Variants in TMEM200A observed in about 807,000 individuals in gnomAD.
TMEM200A encodes transmembrane protein 200A, also known as two transmembrane C.
TMEM200A carries 12 observed loss-of-function variants against 24.3 expected under a neutral mutation model. That is an observed-to-expected ratio of 0.49 (90% CI 0.32 to 0.80). TMEM200A has a LOEUF of 0.80. TMEM200A is among the 30% of genes least tolerant of loss of function. The probability of loss-of-function intolerance (pLI) is 0.04; values close to 1 mark genes in which losing one functional copy is unlikely to be tolerated. For missense variants in TMEM200A, 545 were observed against 614.4 expected (o/e 0.89, Z 1.19); for synonymous variants, 224 against 224.4 (o/e 1.00, Z 0.02).
At chr6:130,426,099 C>A (rs1233606183) in intron 2 of TMEM200A, among the ~76,000 whole-genome samples, 1 of 151,976 alleles carries the variant, frequency 6.6e-6, no homozygotes, top group Admixed American at 6.5e-5. Context: ...TTAAATAAGC[C>A]CCAGGGATTG....
At chr6:130,421,384 GT>G (rs1230178879) in intron 2 of TMEM200A, 8 of 152,016 alleles carry the variant, frequency 5.3e-5, no homozygotes, top group African/African-American at 1.9e-4. Flanking sequence ...AGATTTTTTT[GT>G]TTGTTTTTTA....
chr6:130,441,646 T>C lies in TMEM200A; in HGVS notation c.1224T>C (p.Thr408=). 1 of 1,614,038 alleles carries C rather than the reference T, an allele frequency of 6.2e-7. No homozygotes were observed. The highest frequency in any genetic ancestry group is 1.3e-5 in the African/African-American group (1 of 75,022). The change falls in exon 3 of 3, where the codon ACT becomes ACC. Residue 408 remains threonine (T), a synonymous_variant. Coordinates refer to ENST00000296978, the MANE Select transcript of TMEM200A (RefSeq NM_001258277.2). Reference sequence around the variant, plus strand: ...TAGACCGGGGTCCCTCCACTCTAACTGTTCAGGCAGAACAACGGAAACATC... The same window carrying C: ...TAGACCGGGGTCCCTCCACTCTAACCGTTCAGGCAGAACAACGGAAACATC... ...LDLDRGPSTL[T]VQAEQRKHPS...
intron 2 of TMEM200A, among the ~76,000 whole-genome samples, chr6:130,396,476 G>A (rs1177573592): frequency 6.6e-6 from 1 of 150,392 alleles, no homozygotes. Flanking sequence ...TCATTAGCTT[G>A]GTTTTAGGAA....
At chr6:130,390,226 C>A (rs1778804646) in intron 2 of TMEM200A, among the ~76,000 whole-genome samples, 1 of 152,144 alleles carries the variant, frequency 6.6e-6, no homozygotes, top group Admixed American at 6.5e-5. Context: ...TTTAATTAAT[C>A]TTTGTGGTTT....
At position 130,441,384 on chromosome 6, in the gene TMEM200A, A is replaced by G; in HGVS notation, c.962A>G (p.Asn321Ser). 6.2e-7 allele frequency: 1 copy of G among 1,614,126 alleles called. No homozygotes were observed. Among genetic ancestry groups the G allele is most frequent in the African/African-American group, 1.3e-5 (1 of 75,046 alleles). The part of the protein sequence containing the change: ...DADNLKSRSR[N>S]LSMDSLVVPL... ...GACAACCTCAAAAGTAGGTCAAGGA[A>G]TTTGTCAATGGATTCCCTTGTGGTT... The change falls in exon 3 of 3, where the codon AAT becomes AGT. Residue 321 changes from asparagine to serine, a missense_variant. Transcript: ENST00000296978.
chr6:130,429,455 A>G (rs1362364045), intron 2 of TMEM200A, among the ~76,000 whole-genome samples: 1 of 152,142 alleles, frequency 6.6e-6, no homozygotes, highest in Non-Finnish European at 1.5e-5. Context: ...ACAACTCTTA[A>G]TATTGACCCA....
chr6:130,371,332 A>G (rs2115066053), intron 1 of TMEM200A, among the ~76,000 whole-genome samples: 1 of 152,326 alleles, frequency 6.6e-6, no homozygotes, highest in South Asian at 2.1e-4. Context: ...TAAAGTTATT[A>G]TATTAATGTT....
chr6:130,365,914 C>G, upstream of TMEM200A: 3 of 985,608 alleles, frequency 3.0e-6, no homozygotes, highest in South Asian at 9.4e-5. Flanking sequence ...TGGCACGGTC[C>G]GGGGTCGCAG....
At chr6:130,374,224 T>C (rs370525530) in intron 1 of TMEM200A, among the ~76,000 whole-genome samples, 13 of 152,270 alleles carry the variant, frequency 8.5e-5, no homozygotes, top group African/African-American at 3.1e-4. Context: ...GCCCCGCCTC[T>C]GTAGCCTTGG....
intron 2 of TMEM200A, among the ~76,000 whole-genome samples, chr6:130,389,751 A>G (rs980450370): frequency 1.3e-5 from 2 of 152,214 alleles, no homozygotes; most frequent in African/African-American, 4.8e-5. Context: ...AGAGATCCAC[A>G]GAACTTCAGA....
chr6:130,416,594 T>C (rs1779461495), intron 2 of TMEM200A, among the ~76,000 whole-genome samples: 1 of 152,164 alleles, frequency 6.6e-6, no homozygotes, highest in African/African-American at 2.4e-5. Context: ...CTGTCTGTTC[T>C]GTCTACTCTG....
chr6:130,404,410 G>A (rs1411162481), intron 2 of TMEM200A, among the ~76,000 whole-genome samples: 36 of 152,068 alleles, frequency 2.4e-4, no homozygotes, highest in Admixed American at 2.3e-3. Context: ...GCTCTGATTT[G>A]CATTTCTCTA....
At chr6:130,365,692 C>A (rs1778118420), upstream of TMEM200A, 1 of 985,386 alleles carries the variant, frequency 1.0e-6, no homozygotes, top group Non-Finnish European at 1.2e-6. Flanking sequence ...GCACGCCAGC[C>A]TTCCAGCCCG....
At position 130,442,011 on chromosome 6, in the gene TMEM200A, AT is replaced by A; in HGVS notation, c.*115del. 1.8e-6 allele frequency: 2 copies of A among 1,104,724 alleles called. No individual in the cohort carries two copies. The highest frequency in any genetic ancestry group is 1.3e-6 in the Non-Finnish European group (1 of 786,022). 68.4% of individuals were successfully genotyped at this position (1,104,724 alleles called of 1,614,324 possible). ...TTTTTAATCAAATGGTTTGTAGTGT[AT>A]TAGAATTGGCTGCTTAGTTCTGTAA... On this transcript the variant is annotated 3_prime_UTR_variant, in exon 3 of 3. Coordinates refer to ENST00000296978, the MANE Select transcript of TMEM200A (RefSeq NM_001258277.2).
chr6:130,441,095 T>C lies in TMEM200A; in HGVS notation c.673T>C (p.Ser225Pro). Residue 225 changes from serine to proline, a missense_variant, in exon 3 of 3, where the codon TCC becomes CCC. Transcript: ENST00000296978. ...GFRSSFRMDS[S>P]VEEDELMLNE... is the part of the protein sequence containing the mutation. ...TCGGAGCAGTTTTCGAATGGACAGC[T>C]CCGTGGAGGAGGATGAACTTATGTT... is the stretch of plus-strand genomic sequence containing the variant. 1 of 1,613,966 alleles carries C rather than the reference T, an allele frequency of 6.2e-7. No homozygotes were observed. Among genetic ancestry groups the C allele is most frequent in the Non-Finnish European group, 8.5e-7 (1 of 1,179,984 alleles).
At chr6:130,428,037 A>G (rs890639482) in intron 2 of TMEM200A, among the ~76,000 whole-genome samples, 3 of 152,170 alleles carry the variant, frequency 2.0e-5, no homozygotes, top group African/African-American at 7.2e-5. Context: ...GTGTTTTTAC[A>G]AACATGGTTT....
chr6:130,437,661 A>G (rs928704535), intron 2 of TMEM200A: 3 of 152,048 alleles, frequency 2.0e-5, no homozygotes, highest in African/African-American at 7.2e-5. Flanking sequence ...TTATTTCTCA[A>G]CTACTCTGGA....
rs946920015 is a variant in TMEM200A, at chr6:130,414,395, G to A, written c.-16-26012G>A. Among the ~76,000 whole-genome samples the A allele has an allele frequency of 2.2e-5, 3 of 138,820 alleles. No homozygotes were observed. In the Admixed American group the frequency reaches 2.3e-4, roughly 11 times the overall value. 91.1% of individuals were successfully genotyped at this position (138,820 alleles called of 152,430 possible). ...TGCAGTAAGCTGAGATCGCGCTGCT[G>A]CACTCCAGCCTGGGTGACAGAGCAA... On this transcript the variant is annotated intron_variant, in intron 2 of 2. Coordinates refer to ENST00000296978, the MANE Select transcript of TMEM200A (RefSeq NM_001258277.2).
At chr6:130,370,327 C>G (rs1163189040) in intron 1 of TMEM200A, among the ~76,000 whole-genome samples, 2 of 152,112 alleles carry the variant, frequency 1.3e-5, no homozygotes, top group Non-Finnish European at 2.9e-5. Flanking sequence ...GTCTCTGTGT[C>G]TAGCAGAGAG....
Sources: allele counts gnomAD v4.1 joint callset (sites outside exome capture counted in the v4.1 genomes callset), GRCh38; gene constraint gnomAD v4.1.1; transcripts MANE v1.5; gene names NCBI Gene and HGNC (gene_info 2026-07-23, HGNC 2026-07-21).